Variants in AAGAB observed in about 807,000 individuals in gnomAD.
AAGAB encodes the protein alpha and gamma adaptin binding protein.
Under a neutral mutation model 44.1 loss-of-function variants are expected in AAGAB, and 38 were observed. The ratio of observed to expected loss-of-function variants is 0.86; its 90% confidence interval spans 0.67 to 1.13. AAGAB has a LOEUF of 1.13. Ranked by LOEUF, AAGAB falls within the 50% of genes most tolerant of loss-of-function variation. The pLI is 0.00. For synonymous variants in AAGAB, 131 were observed against 131.8 expected (o/e 0.99, Z 0.04); for missense variants, 450 against 373.8 (o/e 1.20, Z -1.68).
chr15:67,207,920 G>T (rs1373039343), intron 7 of AAGAB, among the ~76,000 whole-genome samples: 1 of 152,078 alleles, frequency 6.6e-6, no homozygotes, highest in Non-Finnish European at 1.5e-5. Flanking sequence ...TATCTCATAA[G>T]AAAAAAGAGT....
intron 5 of AAGAB, among the ~76,000 whole-genome samples, chr15:67,222,703 T>A (rs1964111694): frequency 6.6e-6 from 1 of 151,998 alleles, no homozygotes; most frequent in Non-Finnish European, 1.5e-5. Flanking sequence ...AAGTTTCCCT[T>A]CTCTCTCCTA....
chr15:67,213,648 A>G (rs1963875644), intron 5 of AAGAB, among the ~76,000 whole-genome samples: 1 of 152,210 alleles, frequency 6.6e-6, no homozygotes. Context: ...AGGCATGGAT[A>G]TGAATCCTAC....
chr15:67,233,809 A>G (rs1964399812), intron 4 of AAGAB, among the ~76,000 whole-genome samples: 1 of 152,198 alleles, frequency 6.6e-6, no homozygotes, highest in Non-Finnish European at 1.5e-5. Context: ...TGACGGCAGG[A>G]ATCTTGTCTT....
At position 67,236,029 on chromosome 15, in the gene AAGAB, T is replaced by C. The variant is rs146206826; in HGVS notation, c.401A>G (p.His134Arg). 1.9e-6 allele frequency: 3 copies of C among 1,613,526 alleles called. No individual in the cohort carries two copies. The highest frequency in any genetic ancestry group is 2.2e-5 in the South Asian group (2 of 91,044). ...RQKAQEWCIK[H>R]GFELVELSPE... is the part of the protein sequence containing the mutation. Reference sequence around the variant, plus strand: ...ACTAAGTTCTACCAATTCAAAGCCATGTTTGATGCACCATTCTTGAGCTTT... The same window carrying C: ...ACTAAGTTCTACCAATTCAAAGCCACGTTTGATGCACCATTCTTGAGCTTT... Residue 134 changes from histidine to arginine, a missense_variant, in exon 4 of 10, where the codon CAT (histidine) becomes CGT (arginine). Physicochemically the swap from His to Arg is conservative, Grantham distance 29 (BLOSUM62 0). Transcript: ENST00000261880.
chr15:67,224,941 G>A (rs1237610763), intron 5 of AAGAB, among the ~76,000 whole-genome samples: 1 of 152,172 alleles, frequency 6.6e-6, no homozygotes, highest in African/African-American at 2.4e-5. Context: ...CAGGCAAGGG[G>A]CTAATGTGGC....
At chr15:67,213,404 C>T (rs967589179) in intron 5 of AAGAB, among the ~76,000 whole-genome samples, 5 of 152,036 alleles carry the variant, frequency 3.3e-5, no homozygotes, top group Admixed American at 6.6e-5. Context: ...TTATTTGCCA[C>T]CTCTTTACAA....
chr15:67,231,880 T>C lies in AAGAB; in HGVS notation c.469A>G (p.Thr157Ala). The C allele has an allele frequency of 6.2e-7, 1 of 1,610,918 alleles. No homozygotes were observed. Among genetic ancestry groups the C allele is most frequent in the Non-Finnish European group, 8.5e-7 (1 of 1,177,376 alleles). ...PEEDDDFPES[T>A]GVKRIVQALN... ...GCTTGGACAATTCGCTTTACTCCTG[T>C]AGATTCTGGGAAGTCATCTAATCAG... Residue 157 changes from threonine to alanine, a missense_variant, in exon 5 of 10, where the codon ACA becomes GCA. Transcript: ENST00000261880.
intron 1 of AAGAB, among the ~76,000 whole-genome samples, chr15:67,249,145 C>G (rs1964800261): frequency 2.0e-5 from 3 of 152,114 alleles, no homozygotes; most frequent in Non-Finnish European, 4.4e-5. Context: ...AGGAATCCTC[C>G]TGCCTCAGCC....
In AAGAB at chr15:67,201,108, G is replaced by GT. The variant is rs959618909; in HGVS notation, c.*1712dup. Reference sequence around the variant, plus strand: ...TTCACAGCTTTTTCTAGTCTGGTCTGTTTTTTCTAACCAGATGGCCTAGTA... The same window carrying GT: ...TTCACAGCTTTTTCTAGTCTGGTCTGTTTTTTTCTAACCAGATGGCCTAGTA... On this transcript the variant is annotated 3_prime_UTR_variant, in exon 10 of 10. Transcript: ENST00000261880. 1.1e-4 allele frequency: 17 copies of GT among 151,116 alleles called. 1 individual carries two copies. The highest frequency in any genetic ancestry group is 4.1e-4 in the African/African-American group (17 of 41,050). 9.4% of individuals were successfully genotyped at this position (151,116 alleles called of 1,614,324 possible).
chr15:67,209,433 G>A (rs765657234), intron 6 of AAGAB, 29 bp downstream of exon 6: 1 of 1,565,834 alleles, frequency 6.4e-7, no homozygotes, highest in Non-Finnish European at 8.8e-7. Flanking sequence ...AAGCCAAAGA[G>A]GGAAAAAAGA....
At chr15:67,232,820 G>T in intron 4 of AAGAB, 1 of 193,332 alleles carries the variant, frequency 5.2e-6, no homozygotes, top group East Asian at 1.3e-4. Flanking sequence ...TGTTAGTGCT[G>T]GCAAAAAGCC....
chr15:67,231,298 G>A (rs1238447422), intron 5 of AAGAB, among the ~76,000 whole-genome samples: 3 of 152,144 alleles, frequency 2.0e-5, no homozygotes, highest in Non-Finnish European at 2.9e-5. Context: ...TCCACTTGCC[G>A]TTCTCCCCTT....
intron 5 of AAGAB, among the ~76,000 whole-genome samples, chr15:67,215,505 A>G (rs566101737): frequency 1.1e-4 from 16 of 152,312 alleles, no homozygotes; most frequent in African/African-American, 3.8e-4. Flanking sequence ...ATTATTTGGC[A>G]TCATCTTAAG....
At chr15:67,223,815 C>T (rs1379954650) in intron 5 of AAGAB, among the ~76,000 whole-genome samples, 3 of 152,204 alleles carry the variant, frequency 2.0e-5, no homozygotes, top group Non-Finnish European at 2.9e-5. Context: ...ACCTCTCTGA[C>T]CTCTCCTGCT....
At chr15:67,207,484 C>T (rs1053953225) in intron 7 of AAGAB, among the ~76,000 whole-genome samples, 3 of 152,122 alleles carry the variant, frequency 2.0e-5, no homozygotes, top group Non-Finnish European at 4.4e-5. Context: ...AACCTTTTTC[C>T]TCTGGCAGTG....
intron 1 of AAGAB, among the ~76,000 whole-genome samples, chr15:67,251,236 C>G (rs112239558): frequency 0.01 from 1,476 of 147,456 alleles, 23 homozygotes; most frequent in African/African-American, 0.033. Context: ...GTGTGTGTGT[C>G]TGTGTGTGTG....
At chr15:67,244,816 T>C (rs958045632) in intron 1 of AAGAB, among the ~76,000 whole-genome samples, 5 of 146,902 alleles carry the variant, frequency 3.4e-5, no homozygotes, top group African/African-American at 1.3e-4. Context: ...AAAAATAAAA[T>C]AGTTAAAAAA....
At chr15:67,247,539 C>G (rs570597791) in intron 1 of AAGAB, among the ~76,000 whole-genome samples, 9 of 152,302 alleles carry the variant, frequency 5.9e-5, no homozygotes, top group Middle Eastern at 3.4e-3. Context: ...TTTTCTGTAT[C>G]ATAAGTGGTT....
chr15:67,253,134 T>A (rs1295873333), intron 1 of AAGAB, among the ~76,000 whole-genome samples: 1 of 151,758 alleles, frequency 6.6e-6, no homozygotes, highest in African/African-American at 2.4e-5. Flanking sequence ...AGATAGAAGG[T>A]GAAGGGGCCG....
Sources: gnomAD v4.1 joint callset for allele counts (sites outside exome capture counted in the v4.1 genomes callset) on GRCh38, gnomAD v4.1.1 for gene constraint, MANE v1.5 for transcripts, NCBI Gene and HGNC (gene_info 2026-07-23, HGNC 2026-07-21) for gene names.